The following MMP21 variants were observed in gnomAD, a reference collection of about 807,000 sequenced individuals.
MMP21 encodes the protein matrix metallopeptidase 21, also known as matrix metalloproteinase-21.
In MMP21, 40 loss-of-function variants were observed where a neutral mutation model predicts 47.8. The ratio of observed to expected loss-of-function variants is 0.84; its 90% CI spans 0.65 to 1.09. MMP21 has a LOEUF of 1.09. Ranked by LOEUF, MMP21 falls within the 50% of genes least tolerant of loss-of-function variation. The probability of loss-of-function intolerance (pLI) is 0.00; values close to 1 mark genes in which losing one functional copy is unlikely to be tolerated. For synonymous variants in MMP21, 341 were observed against 318.0 expected (o/e 1.07, Z -0.77); for missense variants, 747 against 775.3 (o/e 0.96, Z 0.43).
chr10:125,771,096 A>G (rs1015932912), intron 4 of MMP21, among the ~76,000 whole-genome samples: 3 of 152,116 alleles, frequency 2.0e-5, no homozygotes, highest in Non-Finnish European at 4.4e-5. Flanking sequence ...TGCCTGCTAC[A>G]GTCCTGGTTC....
At position 125,766,616 on chromosome 10, in the gene MMP21, G is replaced by T. The variant is rs770177807; in HGVS notation, c.*46C>A. The T allele has an allele frequency of 3.4e-6, 5 of 1,475,778 alleles. No homozygotes were observed. The highest frequency in any genetic ancestry group is 2.8e-5 in the South Asian group (2 of 70,232). 91.4% of individuals were successfully genotyped at this position (1,475,778 alleles called of 1,614,324 possible). Reference sequence around the variant, plus strand: ...CCGGTTTTCTTTGTAAACAGTATCAGAATTTTAGCGAAGTCCTATGACCCT... The same window carrying T: ...CCGGTTTTCTTTGTAAACAGTATCATAATTTTAGCGAAGTCCTATGACCCT... On this transcript the variant is annotated 3_prime_UTR_variant, in exon 7 of 7. Transcript: ENST00000368808.
Position 125,775,721 on chromosome 10 carries a change from G to C in MMP21, c.101C>G (p.Ser34Trp). 6.2e-7 allele frequency: 1 copy of C among 1,613,642 alleles called. No individual in the cohort carries two copies. Residue 34 changes from serine (S) to tryptophan (W), a missense_variant, in exon 1 of 7, where the codon TCG (serine) becomes TGG (tryptophan). Coordinates refer to ENST00000368808, the MANE Select transcript of MMP21 (RefSeq NM_147191.1). ...GCGCAGTGGGGACGGCTCCAGGTCC[G>C]AGCGGTCCCGGCTGTGGAAGAGACT... ...PESLFHSRDR[S>W]DLEPSPLRQA...
At chr10:125,770,724 G>C (rs1850437031) in intron 4 of MMP21, 133 bp from the exon 5 acceptor site, 1 of 1,019,572 alleles carries the variant, frequency 9.8e-7, no homozygotes, top group Non-Finnish European at 1.4e-6. Context: ...AAGACACCAT[G>C]TAAGGCTGAA....
intron 5 of MMP21, among the ~76,000 whole-genome samples, chr10:125,768,751 C>T (rs183827721): frequency 3.9e-5 from 6 of 152,310 alleles, no homozygotes. Context: ...CTATGATGAC[C>T]TAAATCTATA....
rs1850387190 is a variant in MMP21, at chr10:125,766,499, TG to T, written c.*162del. 5.2e-6 allele frequency: 3 copies of T among 571,712 alleles called. No homozygotes were observed. The highest frequency in any genetic ancestry group is 8.8e-6 in the Non-Finnish European group (3 of 342,386). 35.4% of individuals were successfully genotyped at this position (571,712 alleles called of 1,614,324 possible). On this transcript the variant is annotated 3_prime_UTR_variant, in exon 7 of 7. Transcript: ENST00000368808. ...ATGAATTATGTTTTGCCTGAGCAAT[TG>T]TTTTTAAATCAAGTATTTTAAAAGT...
At chr10:125,770,310 G>T in intron 5 of MMP21, 24 bp downstream of exon 5, 2 of 1,612,400 alleles carry the variant, frequency 1.2e-6, no homozygotes, top group South Asian at 1.1e-5. Flanking sequence ...GAGAGAAATA[G>T]AACCATCCAT....
In MMP21 at chr10:125,773,951, C is replaced by G. The variant is rs1215538087; in HGVS notation, c.577G>C (p.Asp193His). 4.4e-6 allele frequency: 7 copies of G among 1,584,284 alleles called. No individual in the cohort carries two copies. Among genetic ancestry groups the G allele is most frequent in the Non-Finnish European group, 6.0e-6 (7 of 1,172,884 alleles). Residue 193 changes from aspartate to histidine, a missense_variant, in exon 2 of 7, where the codon GAC becomes CAC. Asp to His is a moderately conservative substitution (Grantham distance 81, BLOSUM62 -1). Coordinates refer to ENST00000368808, the MANE Select transcript of MMP21 (RefSeq NM_147191.1). This position sits in a 1 kb window ranked among gnomAD's most constrained non-coding sequence, Gnocchi z 4.8. ...GCCAGCGCCACAATGCGCCGCTGGT[C>G]GGCCACGGACAGTTGGCTGCTCAGG... ...EALSSQLSVA[D>H]QRRIVALAFR...
chr10:125,770,563 C>T lies in MMP21; in HGVS notation c.1008G>A (p.Ala336=), dbSNP rs1297451986. The T allele has an allele frequency of 8.1e-6, 13 of 1,614,158 alleles. No individual in the cohort carries two copies. The Middle Eastern group carries it at 4.9e-4, about 61-fold the overall frequency. Residue 336 remains alanine, a synonymous_variant, in exon 5 of 7, where the codon GCG becomes GCA. Coordinates refer to ENST00000368808, the MANE Select transcript of MMP21 (RefSeq NM_147191.1). ...YGSCEGSFDT[A]FDWIRKERNQ... is the part of the protein sequence containing the mutation. ...TTCTCTCTTTGCGAATCCAGTCAAACGCAGTATCAAATGATCCCTCACAGG... is the reference window on the plus strand; with the variant it reads ...TTCTCTCTTTGCGAATCCAGTCAAATGCAGTATCAAATGATCCCTCACAGG...
Position 125,766,794 on chromosome 10 carries a change from G to A in MMP21, c.1578C>T (p.Tyr526=). Residue 526 remains tyrosine (Y), a synonymous_variant, in exon 7 of 7, where the codon TAC becomes TAT. Coordinates refer to ENST00000368808, the MANE Select transcript of MMP21 (RefSeq NM_147191.1). The part of the protein sequence containing the change: ...NSIFFFKGNA[Y]WKVVNDKDKQ... Reference sequence around the variant, plus strand: ...TGTCCTTGTCATTAACTACCTTCCAGTATGCATTGCCTTTGAAAAAGAAAA... The same window carrying A: ...TGTCCTTGTCATTAACTACCTTCCAATATGCATTGCCTTTGAAAAAGAAAA... The A allele has an allele frequency of 6.2e-7, 1 of 1,613,960 alleles. No homozygotes were observed. Among genetic ancestry groups the A allele is most frequent in the Non-Finnish European group, 8.5e-7 (1 of 1,179,938 alleles).
intron 1 of MMP21, 53 bp from the exon 2 acceptor site, chr10:125,774,418 G>C: frequency 1.6e-6 from 2 of 1,261,270 alleles, no homozygotes; most frequent in Non-Finnish European, 2.0e-6. Flanking sequence ...GGGCCCTCCC[G>C]GGCTGCCCTG....
chr10:125,771,911 T>G (rs1163944140), intron 4 of MMP21, among the ~76,000 whole-genome samples: 1 of 152,044 alleles, frequency 6.6e-6, no homozygotes, highest in Non-Finnish European at 1.5e-5. Context: ...GCGTCTCTGG[T>G]GGGATGCCAC....
intron 5 of MMP21, 96 bp from the exon 6 acceptor site, chr10:125,767,800 C>T: frequency 1.6e-6 from 2 of 1,258,786 alleles, no homozygotes; most frequent in Middle Eastern, 2.7e-4. Flanking sequence ...CAATCCTGTA[C>T]AATGTGTTGC....
intron 1 of MMP21, among the ~76,000 whole-genome samples, chr10:125,774,598 G>C (rs1850495186): frequency 6.6e-6 from 1 of 152,232 alleles, no homozygotes; most frequent in Admixed American, 6.5e-5. Flanking sequence ...GAGGTAGACA[G>C]GAGAGAAGGA....
At chr10:125,775,095 G>A (rs572119107) in intron 1 of MMP21, among the ~76,000 whole-genome samples, 1 of 152,292 alleles carries the variant, frequency 6.6e-6, no homozygotes, top group South Asian at 2.1e-4. Context: ...GTGACCAAAG[G>A]ACCACGTGCC....
chr10:125,769,172 C>T (rs748654445), intron 5 of MMP21, among the ~76,000 whole-genome samples: 13 of 152,138 alleles, frequency 8.5e-5, no homozygotes, highest in Non-Finnish European at 1.6e-4. Context: ...CAGCGTGCCT[C>T]GTGCACCGGG....
At position 125,773,931 on chromosome 10, in the gene MMP21, C is replaced by A. The variant is rs138636566; in HGVS notation, c.597G>T (p.Ala199=). ...LSVADQRRIV[A]LAFRMWSEVT... ...CCTCGCTCCACATCCTGAAGGCCAG[C>A]GCCACAATGCGCCGCTGGTCGGCCA... The change falls in exon 2 of 7, where the codon GCG becomes GCT. Residue 199 remains alanine, a synonymous_variant. Transcript: ENST00000368808. This position sits in a 1 kb window ranked among gnomAD's most constrained non-coding sequence, Gnocchi z 4.8. 7.6e-6 allele frequency: 12 copies of A among 1,584,056 alleles called. No individual in the cohort carries two copies. In the African/African-American group the frequency reaches 1.2e-4, roughly 16 times the overall value.
chr10:125,768,692 T>A (rs1441361962), intron 5 of MMP21, among the ~76,000 whole-genome samples: 1 of 152,260 alleles, frequency 6.6e-6, no homozygotes, highest in Non-Finnish European at 1.5e-5. Flanking sequence ...CAAATTAAGA[T>A]GTTTTTAAAG....
intron 4 of MMP21, among the ~76,000 whole-genome samples, chr10:125,771,468 A>G (rs987722096): frequency 1.2e-4 from 18 of 151,622 alleles, no homozygotes; most frequent in Admixed American, 1.1e-3. Context: ...CAGTGGTGCA[A>G]TCTTGGCTCA....
rs1366814724 is a variant in MMP21 at position 125,774,065 on chromosome 10, G to T, written c.463C>A (p.Arg155=). The T allele has an allele frequency of 1.0e-5, 15 of 1,445,224 alleles. No homozygotes were observed. The highest frequency in any genetic ancestry group is 3.0e-5 in the East Asian group (1 of 33,746). 89.5% of individuals were successfully genotyped at this position (1,445,224 alleles called of 1,614,324 possible). The change falls in exon 2 of 7, where the codon CGG becomes AGG. Residue 155 remains arginine, a synonymous_variant. Transcript: ENST00000368808. ...SPRAPLSLSR[R]GWQPRGYPDG... is the part of the protein sequence containing the mutation. Reference sequence around the variant, plus strand: ...GGGTAGCCCCGGGGCTGCCAACCCCGCCGGGACAAGGACAGCGGCGCCCGC... The same window carrying T: ...GGGTAGCCCCGGGGCTGCCAACCCCTCCGGGACAAGGACAGCGGCGCCCGC...
Sources: gnomAD v4.1 joint callset for allele counts (sites outside exome capture counted in the v4.1 genomes callset) on GRCh38, gnomAD v4.1.1 for gene constraint, Gnocchi (gnomAD v3.1) non-coding constraint, MANE v1.5 for transcripts, NCBI Gene and HGNC (gene_info 2026-07-23, HGNC 2026-07-21) for gene names.